Variants in KLF10 observed in about 807,000 individuals in gnomAD.
KLF10 encodes the protein Krueppel-like factor 10.
KLF10 carries 17 observed loss-of-function variants against 31.6 expected under a neutral mutation model. The ratio of observed to expected loss-of-function variants is 0.54; its 90% CI spans 0.37 to 0.81. The LOEUF is 0.81. KLF10 is among the 30% of genes least tolerant of loss of function. The probability of loss-of-function intolerance (pLI) is 0.00; values close to 1 mark genes in which losing one functional copy is unlikely to be tolerated. For synonymous variants in KLF10, 239 were observed against 215.1 expected, an observed-to-expected ratio of 1.11 and a Z score of -0.97; for missense variants, 525 against 598.1, an observed-to-expected ratio of 0.88 and a Z score of 1.27.
chr8:102,653,510 C>T (rs370036000), intron 1 of KLF10: 87 of 1,533,022 alleles, frequency 5.7e-5, no homozygotes, highest in Admixed American at 9.0e-5. Flanking sequence ...TGTCCAGACT[C>T]GTTTGGTCAA....
At chr8:102,652,731 G>A (rs1827247024) in intron 1 of KLF10, among the ~76,000 whole-genome samples, 1 of 152,128 alleles carries the variant, frequency 6.6e-6, no homozygotes, top group Admixed American at 6.6e-5. Flanking sequence ...AATTATCAAT[G>A]CATTTGTGAT....
At chr8:102,653,202 T>G (rs892712276) in intron 1 of KLF10, among the ~76,000 whole-genome samples, 1 of 152,226 alleles carries the variant, frequency 6.6e-6, no homozygotes, top group African/African-American at 2.4e-5. Flanking sequence ...CTGAATCTAT[T>G]TGACACAATG....
At chr8:102,653,932 G>T (rs1827288836) in intron 1 of KLF10, 2 of 987,760 alleles carry the variant, frequency 2.0e-6, no homozygotes, top group African/African-American at 1.8e-5. Context: ...CTAGCTGGCG[G>T]AGACCGACGG....
intron 1 of KLF10, chr8:102,653,445 G>A (rs376144931): frequency 9.1e-6 from 14 of 1,532,270 alleles, no homozygotes; most frequent in Middle Eastern, 1.7e-4. Flanking sequence ...TTTGAACTAC[G>A]CTAAAAAAAA....
At position 102,651,888 on chromosome 8, in the gene KLF10, G is replaced by A. The variant is rs1245489573; in HGVS notation, c.444C>T (p.Pro148=). 6.2e-7 allele frequency: 1 copy of A among 1,614,042 alleles called. No individual in the cohort carries two copies. Among genetic ancestry groups the A allele is most frequent in the Non-Finnish European group, 8.5e-7 (1 of 1,180,036 alleles). ...GAATCACACTTGTTGCCTGAGCTTT[G>A]GGGAGTTTGGGGGCAGATACTGGGC... The part of the protein sequence containing the change: ...EKSPVSAPKL[P]KAQATSVIRH... Residue 148 remains proline (P), a synonymous_variant, in exon 3 of 4, where the codon CCC becomes CCT. Coordinates refer to ENST00000285407, the MANE Select transcript of KLF10 (RefSeq NM_005655.4).
intron 1 of KLF10, chr8:102,653,889 G>T: frequency 1.4e-6 from 1 of 716,756 alleles, no homozygotes; most frequent in Non-Finnish European, 1.7e-6. Context: ...GGGGGAGGCA[G>T]ACGAGGGGCG....
At chr8:102,655,050 T>C (rs982456845) in intron 1 of KLF10, among the ~76,000 whole-genome samples, 1 of 150,938 alleles carries the variant, frequency 6.6e-6, no homozygotes, top group African/African-American at 2.4e-5. Flanking sequence ...CCAGGATGGG[T>C]AGCCCACTCG....
intron 3 of KLF10, among the ~76,000 whole-genome samples, chr8:102,650,616 G>C (rs924716259): frequency 6.6e-6 from 1 of 152,102 alleles, no homozygotes; most frequent in Non-Finnish European, 1.5e-5. Flanking sequence ...TGGAGTAGTA[G>C]GCACCTGTAG....
Position 102,651,344 on chromosome 8 carries a change from T to C in KLF10, c.988A>G (p.Lys330Glu), listed in dbSNP as rs775031030. The change falls in exon 3 of 4, where the codon AAG becomes GAG. Residue 330 changes from lysine to glutamate, a missense_variant. Lys to Glu is a moderately conservative substitution (Grantham distance 56). Coordinates refer to ENST00000285407, the MANE Select transcript of KLF10 (RefSeq NM_005655.4). ...VVPQPVVQSS[K>E]PPVVSPNGTR... ...CCATTCGGGCTCACCACCGGAGGCTTTGAACTCTGCACAACGGGCTGGGGT... is the reference window on the plus strand; with the variant it reads ...CCATTCGGGCTCACCACCGGAGGCTCTGAACTCTGCACAACGGGCTGGGGT... The C allele has an allele frequency of 4.4e-6, 7 of 1,597,660 alleles. No individual in the cohort carries two copies. Among genetic ancestry groups the C allele is most frequent in the African/African-American group, 2.7e-5 (2 of 74,484 alleles).
At chr8:102,654,277 C>G (rs1827303582) in intron 1 of KLF10, 1 of 145,282 alleles carries the variant, frequency 6.9e-6, no homozygotes, top group Non-Finnish European at 1.5e-5. Flanking sequence ...CCCGGCCGTG[C>G]GCGCCGGGCC....
chr8:102,654,679 C>G (rs903735025), intron 1 of KLF10, among the ~76,000 whole-genome samples: 12 of 151,994 alleles, frequency 7.9e-5, no homozygotes, highest in Non-Finnish European at 1.5e-4. Context: ...CAGGCCCCTC[C>G]CGCCGCGCGT....
intron 1 of KLF10, 68 bp from the exon 2 acceptor site, chr8:102,652,465 A>T: frequency 8.2e-5 from 63 of 770,912 alleles, no homozygotes; most frequent in Non-Finnish European, 1.1e-4. Flanking sequence ...CAGAAAAATG[A>T]GCAAATTTTT....
Position 102,651,234 on chromosome 8 carries a change from T to C in KLF10, c.1098A>G (p.Ile366Met). 1 of 1,587,464 alleles carries C rather than the reference T, an allele frequency of 6.3e-7. No individual in the cohort carries two copies. Among genetic ancestry groups the C allele is most frequent in the Non-Finnish European group, 8.6e-7 (1 of 1,167,536 alleles). ...KVTPQIDSSR[I>M]RSHICSHPGC... ...CTGGGTGGCTACAGATGTGACTCCT[T>C]ATCCTTGATGAATCAATCTGAGGAG... is the stretch of plus-strand genomic sequence containing the variant. Residue 366 changes from isoleucine (I) to methionine (M), a missense_variant, in exon 3 of 4, where the codon ATA (isoleucine) becomes ATG (methionine). By Grantham distance (10) the Ile-to-Met change is conservative. Coordinates refer to ENST00000285407, the MANE Select transcript of KLF10 (RefSeq NM_005655.4).
chr8:102,655,124 G>C (rs575553373), intron 1 of KLF10, among the ~76,000 whole-genome samples: 1 of 152,156 alleles, frequency 6.6e-6, no homozygotes, highest in East Asian at 1.9e-4. Context: ...CCTGGCTCGC[G>C]TTCCTGAGCC....
At chr8:102,653,887 C>A (rs2131083583) in intron 1 of KLF10, 1 of 856,590 alleles carries the variant, frequency 1.2e-6, no homozygotes, top group East Asian at 1.5e-4. Flanking sequence ...GCGGGGGAGG[C>A]AGACGAGGGG....
Position 102,651,954 on chromosome 8 carries a change from G to A in KLF10, c.378C>T (p.Ala126=). 6.2e-7 allele frequency: 1 copy of A among 1,614,026 alleles called. No homozygotes were observed. The highest frequency in any genetic ancestry group is 1.1e-5 in the South Asian group (1 of 91,080). The change falls in exon 3 of 4, where the codon GCC becomes GCT. Residue 126 remains alanine, a synonymous_variant. Coordinates refer to ENST00000285407, the MANE Select transcript of KLF10 (RefSeq NM_005655.4). ...TVHFKSLSDT[A]KPHIAAPFKE... is the part of the protein sequence containing the mutation. Reference sequence around the variant, plus strand: ...TGAAAGGTGCGGCAATGTGAGGTTTGGCAGTATCTGAGAGTGACTTGAAGT... The same window carrying A: ...TGAAAGGTGCGGCAATGTGAGGTTTAGCAGTATCTGAGAGTGACTTGAAGT...
At chr8:102,653,194 G>C (rs1313169264) in intron 1 of KLF10, among the ~76,000 whole-genome samples, 1 of 152,026 alleles carries the variant, frequency 6.6e-6, no homozygotes, top group Non-Finnish European at 1.5e-5. Flanking sequence ...CCCTTTTACT[G>C]AATCTATTTG....
chr8:102,652,184 A>C lies in KLF10; in HGVS notation c.250T>G (p.Phe84Val), dbSNP rs771738370. Residue 84 changes from phenylalanine (F) to valine (V), a missense_variant, in exon 2 of 4, where the codon TTT becomes GTT. Around this residue, in one of 3 missense-constraint regions of KLF10, gnomAD observed 434 missense variants for 450.7 expected, o/e 0.96. Transcript: ENST00000285407. ...EENLLPGTPD[F>V]HTIPAFCLTP... ...CTTACAAATGCTGGGATTGTATGAA[A>C]ATCAGGTGTTCCCGGAAGCAGATTC... The C allele has an allele frequency of 1.3e-6, 2 of 1,599,494 alleles. No individual in the cohort carries two copies. The highest frequency in any genetic ancestry group is 8.5e-7 in the Non-Finnish European group (1 of 1,170,812).
Position 102,649,385 on chromosome 8 carries a change from A to C in KLF10, c.*747T>G, listed in dbSNP as rs747364732. 1 of 152,264 alleles carries C rather than the reference A, an allele frequency of 6.6e-6. No individual in the cohort carries two copies. Among genetic ancestry groups the C allele is most frequent in the Non-Finnish European group, 1.5e-5 (1 of 68,040 alleles). 9.4% of individuals were successfully genotyped at this position (152,264 alleles called of 1,614,324 possible). Reference sequence around the variant, plus strand: ...TATACAATTTTCAAATCTACACAAGAAACTGCAGGCAAACTAAAGTTCAAA... The same window carrying C: ...TATACAATTTTCAAATCTACACAAGCAACTGCAGGCAAACTAAAGTTCAAA... On this transcript the variant is annotated 3_prime_UTR_variant, in exon 4 of 4. Coordinates refer to ENST00000285407, the MANE Select transcript of KLF10 (RefSeq NM_005655.4).
Sources: gnomAD v4.1 joint callset for allele counts (sites outside exome capture counted in the v4.1 genomes callset) on GRCh38, gnomAD v4.1.1 for gene constraint, gnomAD v4.1.1 regional missense constraint, MANE v1.5 for transcripts, NCBI Gene and HGNC (gene_info 2026-07-23, HGNC 2026-07-21) for gene names.